NEO1: variants seen among roughly 807,000 people sequenced by gnomAD.
The protein encoded by NEO1 is neogenin.
A neutral mutation model predicts 159.7 loss-of-function variants in NEO1; 63 were observed. That is an observed-to-expected ratio of 0.39 (90% CI 0.32 to 0.49). The LOEUF (loss-of-function observed/expected upper bound fraction) is 0.49. Among genes scored for constraint, NEO1 ranks in the 20% least tolerant of loss-of-function variants. The pLI, the probability that NEO1 is intolerant of heterozygous loss-of-function variation, is 0.85. For missense variants in NEO1, 1,615 were observed against 1,831.0 expected (o/e 0.88, Z 2.15); for synonymous variants, 633 against 662.0 (o/e 0.96, Z 0.67).
At chr15:73,214,453 G>T (rs2037764060) in intron 7 of NEO1, among the ~76,000 whole-genome samples, 1 of 152,122 alleles carries the variant, frequency 6.6e-6, no homozygotes, top group South Asian at 2.1e-4. Flanking sequence ...TTCATATAAG[G>T]TGAGAGTTGA....
chr15:73,118,452 A>G (rs1275894698), intron 2 of NEO1, among the ~76,000 whole-genome samples: 1 of 60,408 alleles, frequency 1.7e-5, no homozygotes, highest in African/African-American at 6.9e-5. Context: ...CCCGTCCCCT[A>G]CATCCACCAT....
intron 1 of NEO1, among the ~76,000 whole-genome samples, chr15:73,100,550 G>A (rs926073672): frequency 3.3e-5 from 5 of 152,044 alleles, no homozygotes; most frequent in African/African-American, 9.7e-5. Flanking sequence ...GGCCAGGCTG[G>A]TCTTGAACTC....
At chr15:73,054,713 T>G (rs912122161) in intron 1 of NEO1, among the ~76,000 whole-genome samples, 5 of 151,928 alleles carry the variant, frequency 3.3e-5, no homozygotes, top group Non-Finnish European at 7.4e-5. Context: ...CGGTCCAGAG[T>G]CCTTCCTGTA....
At chr15:73,245,493 C>G (rs529099193) in intron 9 of NEO1, among the ~76,000 whole-genome samples, 39 of 152,116 alleles carry the variant, frequency 2.6e-4, no homozygotes, top group Middle Eastern at 3.4e-3. Flanking sequence ...GCAGCCAGAT[C>G]TTAATAAATG....
chr15:73,187,050 G>A (rs1460176755), intron 7 of NEO1, among the ~76,000 whole-genome samples: 1 of 152,108 alleles, frequency 6.6e-6, no homozygotes, highest in Non-Finnish European at 1.5e-5. Context: ...GATGTGTAGG[G>A]TAGAATTGAA....
At chr15:73,156,980 G>C (rs1033243932) in intron 5 of NEO1, among the ~76,000 whole-genome samples, 1 of 152,202 alleles carries the variant, frequency 6.6e-6, no homozygotes, top group African/African-American at 2.4e-5. Flanking sequence ...GGCAGTCCCA[G>C]CAGCCACAGA....
At chr15:73,238,472 T>G (rs2039319406) in intron 8 of NEO1, among the ~76,000 whole-genome samples, 1 of 151,768 alleles carries the variant, frequency 6.6e-6, no homozygotes. Flanking sequence ...TAATAGATAA[T>G]TCAAGTAATC....
rs1430978944 is a variant in NEO1, at chr15:73,288,316, A to G, written c.3414A>G (p.Lys1138=). Residue 1138 remains lysine, a synonymous_variant, in exon 24 of 29, where the codon AAA becomes AAG. Coordinates refer to ENST00000261908, the MANE Select transcript of NEO1 (RefSeq NM_002499.4). ...TRRTTSHQKK[K]RAACKSVNGS... ...CTCCTCTGAACTTCGTGCCTAGGAA[A>G]CGAGCTGCCTGCAAATCAGTGAATG... 1.9e-6 allele frequency: 3 copies of G among 1,611,448 alleles called. No individual in the cohort carries two copies. Among genetic ancestry groups the G allele is most frequent in the African/African-American group, 1.3e-5 (1 of 74,854 alleles).
At chr15:73,105,092 A>G (rs2070615249) in intron 1 of NEO1, among the ~76,000 whole-genome samples, 1 of 152,194 alleles carries the variant, frequency 6.6e-6, no homozygotes, top group Admixed American at 6.5e-5. Flanking sequence ...ATTTTATTAA[A>G]TTTCTTGAAA....
chr15:73,070,771 T>G (rs2068493396), intron 1 of NEO1, among the ~76,000 whole-genome samples: 1 of 152,208 alleles, frequency 6.6e-6, no homozygotes, highest in Non-Finnish European at 1.5e-5. Flanking sequence ...GTTAAGTGAA[T>G]GTTCTGTCTC....
intron 1 of NEO1, among the ~76,000 whole-genome samples, chr15:73,088,853 A>T (rs2069515404): frequency 6.6e-6 from 1 of 152,194 alleles, no homozygotes; most frequent in African/African-American, 2.4e-5. Context: ...GAAGTAAGAG[A>T]GAGTAAAGTC....
intron 3 of NEO1, among the ~76,000 whole-genome samples, chr15:73,125,767 G>A (rs984891309): frequency 6.6e-6 from 1 of 152,170 alleles, no homozygotes; most frequent in African/African-American, 2.4e-5. Context: ...AAAATATAGT[G>A]GTAGCTAGAT....
chr15:73,071,765 C>T (rs903312194), intron 1 of NEO1, among the ~76,000 whole-genome samples: 5 of 152,154 alleles, frequency 3.3e-5, no homozygotes, highest in South Asian at 2.1e-4. Flanking sequence ...ATCGGCCCAC[C>T]GTGGCTTCCC....
At chr15:73,256,813 G>A (rs1301018720) in intron 13 of NEO1, among the ~76,000 whole-genome samples, 1 of 152,150 alleles carries the variant, frequency 6.6e-6, no homozygotes, top group African/African-American at 2.4e-5. Flanking sequence ...TTTCAGCTGA[G>A]CGTGGTGGCT....
chr15:73,091,326 A>G (rs1410545961), intron 1 of NEO1, among the ~76,000 whole-genome samples: 1 of 152,158 alleles, frequency 6.6e-6, no homozygotes, highest in Non-Finnish European at 1.5e-5. Context: ...ATCTTGCCTT[A>G]TGTATTACAT....
chr15:73,204,915 G>A (rs747917865), intron 7 of NEO1, among the ~76,000 whole-genome samples: 29 of 152,102 alleles, frequency 1.9e-4, no homozygotes, highest in Non-Finnish European at 4.3e-4. Context: ...TAGAAGTTGG[G>A]TTGTGTGTTT....
chr15:73,240,144 A>G (rs2039419479), intron 8 of NEO1, among the ~76,000 whole-genome samples: 2 of 152,350 alleles, frequency 1.3e-5, no homozygotes, highest in East Asian at 1.9e-4. Flanking sequence ...ATATGCGTCA[A>G]TATGTGCCAC....
chr15:73,108,623 G>C (rs529389506), intron 1 of NEO1, among the ~76,000 whole-genome samples: 1 of 152,294 alleles, frequency 6.6e-6, no homozygotes, highest in Admixed American at 6.5e-5. Flanking sequence ...TAATAGTCTA[G>C]CCTGCTCATG....
chr15:73,131,239 A>G (rs2031083158), intron 4 of NEO1, among the ~76,000 whole-genome samples: 1 of 152,264 alleles, frequency 6.6e-6, no homozygotes, highest in South Asian at 2.1e-4. Flanking sequence ...AGACAGTGAC[A>G]GAGATTTTAG....
Sources: allele counts gnomAD v4.1 joint callset (sites outside exome capture counted in the v4.1 genomes callset), GRCh38; gene constraint gnomAD v4.1.1; transcripts MANE v1.5; gene names NCBI Gene and HGNC (gene_info 2026-07-23, HGNC 2026-07-21).